The following AK5 variants were observed in gnomAD, a reference collection of about 807,000 sequenced individuals.
The protein encoded by AK5 is adenylate kinase 5.
A neutral mutation model predicts 69.5 loss-of-function variants in AK5; 27 were observed. The ratio of observed to expected loss-of-function variants is 0.39; its 90% CI spans 0.29 to 0.54. The LOEUF is 0.54. AK5 is among the 20% of genes least tolerant of loss of function. AK5 has a pLI of 0.71. For missense variants in AK5, 531 were observed against 700.4 expected (o/e 0.76, Z 2.73); for synonymous variants, 260 against 244.4 (o/e 1.06, Z -0.60).
chr1:77,393,551 A>C (rs952248525), intron 6 of AK5, among the ~76,000 whole-genome samples: 2 of 152,218 alleles, frequency 1.3e-5, no homozygotes, highest in African/African-American at 4.8e-5. Flanking sequence ...TTTTGGACTT[A>C]AAAGAATTTA....
chr1:77,426,149 T>C (rs963029630), intron 8 of AK5, among the ~76,000 whole-genome samples: 1 of 152,170 alleles, frequency 6.6e-6, no homozygotes, highest in Non-Finnish European at 1.5e-5. Flanking sequence ...TCACTTTAAA[T>C]TTCAGTGATC....
chr1:77,412,363 G>A (rs952061665), intron 7 of AK5, among the ~76,000 whole-genome samples: 2 of 152,094 alleles, frequency 1.3e-5, no homozygotes, highest in African/African-American at 4.8e-5. Context: ...CAGTTTCCAG[G>A]TGTCTACTTT....
At chr1:77,369,412 GA>G (rs1162139324) in intron 6 of AK5, among the ~76,000 whole-genome samples, 2 of 152,056 alleles carry the variant, frequency 1.3e-5, no homozygotes, top group Non-Finnish European at 1.5e-5. Flanking sequence ...TTTTTCTTAT[GA>G]AAGCAGATGC....
At chr1:77,391,983 A>G (rs1294174214) in intron 6 of AK5, among the ~76,000 whole-genome samples, 3 of 152,204 alleles carry the variant, frequency 2.0e-5, no homozygotes, top group Admixed American at 6.5e-5. Flanking sequence ...TCGTTCTACA[A>G]CAAATGGACA....
At chr1:77,397,007 C>T (rs79972366) in intron 6 of AK5, among the ~76,000 whole-genome samples, 1 of 152,212 alleles carries the variant, frequency 6.6e-6, no homozygotes, top group Non-Finnish European at 1.5e-5. Flanking sequence ...ACTACAGACA[C>T]ATGCCCAGGG....
intron 8 of AK5, among the ~76,000 whole-genome samples, chr1:77,476,848 A>G (rs1485966798): frequency 6.6e-6 from 1 of 152,012 alleles, no homozygotes. Flanking sequence ...TACTGAAATA[A>G]TAGTTCCAGT....
intron 1 of AK5, chr1:77,282,723 G>A (rs1165341152): frequency 2.2e-5 from 23 of 1,058,232 alleles, no homozygotes; most frequent in Non-Finnish European, 2.5e-5. Flanking sequence ...CAGGTCAGGT[G>A]GCTGCACTGT....
At chr1:77,306,122 A>G (rs1398549868) in intron 5 of AK5, among the ~76,000 whole-genome samples, 1 of 152,134 alleles carries the variant, frequency 6.6e-6, no homozygotes, top group African/African-American at 2.4e-5. Context: ...ACTATGTTGA[A>G]TAATGATGGT....
chr1:77,445,885 A>G (rs1036649241), intron 8 of AK5, among the ~76,000 whole-genome samples: 2 of 152,116 alleles, frequency 1.3e-5, no homozygotes, highest in African/African-American at 4.8e-5. Context: ...ACGCCTGGTC[A>G]GCCTTTCCTA....
At chr1:77,412,553 T>A (rs1650113640) in intron 7 of AK5, among the ~76,000 whole-genome samples, 1 of 152,176 alleles carries the variant, frequency 6.6e-6, no homozygotes, top group Non-Finnish European at 1.5e-5. Flanking sequence ...AAGTAAATGG[T>A]GCCTCCCCTG....
intron 6 of AK5, among the ~76,000 whole-genome samples, chr1:77,352,873 G>A (rs962439153): frequency 2.6e-5 from 4 of 152,092 alleles, no homozygotes; most frequent in East Asian, 1.9e-4. Context: ...CTTCTGATAG[G>A]TTAGTCTTAA....
At chr1:77,441,677 C>T (rs1652334151) in intron 8 of AK5, among the ~76,000 whole-genome samples, 1 of 152,130 alleles carries the variant, frequency 6.6e-6, no homozygotes, top group Non-Finnish European at 1.5e-5. Context: ...CCGGGGTCTT[C>T]CTATTCTTAT....
At chr1:77,357,991 T>TTGTGTGTGTGTG (rs1662622292) in intron 6 of AK5, among the ~76,000 whole-genome samples, 1 of 22,824 alleles carries the variant, frequency 4.4e-5, no homozygotes, top group African/African-American at 9.9e-5. Context: ...TTATGGAGAG[T>TTGTGTGTGTGTG]AGTGTGTGTG....
chr1:77,423,227 A>AAAAG (rs1196146935), intron 8 of AK5, among the ~76,000 whole-genome samples: 1 of 132,080 alleles, frequency 7.6e-6, no homozygotes, highest in African/African-American at 2.5e-5. Context: ...TCTAAAAAAA[A>AAAAG]AAATAAAAAA....
At chr1:77,487,901 G>T (rs1336329588) in intron 10 of AK5, among the ~76,000 whole-genome samples, 1 of 152,248 alleles carries the variant, frequency 6.6e-6, no homozygotes, top group Non-Finnish European at 1.5e-5. Flanking sequence ...CTTAGATGAA[G>T]AGAATAATGG....
In AK5 at chr1:77,448,833, C is replaced by T. The variant is rs530578119; in HGVS notation, c.1059+31118C>T. ...TGAGGCTCTGTGGTTCCAGTGTCTC[C>T]GAGCTTCCAGGTGCCACCATGTTCC... On this transcript the variant is annotated intron_variant, in intron 8 of 13. Coordinates refer to ENST00000354567, the MANE Select transcript of AK5 (RefSeq NM_174858.3). 2.6e-4 allele frequency among the ~76,000 whole-genome samples: 39 copies of T among 152,312 alleles called. 1 individual carries two copies. In the South Asian group the frequency reaches 4.4e-3, roughly 17 times the overall value.
chr1:77,524,385 C>A (rs1232398220), intron 12 of AK5, among the ~76,000 whole-genome samples: 2 of 152,184 alleles, frequency 1.3e-5, no homozygotes, highest in Non-Finnish European at 2.9e-5. Flanking sequence ...ATACTGCCAG[C>A]CATAGTGGCC....
intron 5 of AK5, among the ~76,000 whole-genome samples, chr1:77,320,691 G>A (rs1264111677): frequency 1.3e-5 from 2 of 152,168 alleles, no homozygotes; most frequent in African/African-American, 4.8e-5. Flanking sequence ...AGAGATTGCA[G>A]TGAGCTGAGA....
At chr1:77,293,575 T>C (rs2100653933) in intron 2 of AK5, 3 of 407,042 alleles carry the variant, frequency 7.4e-6, no homozygotes, top group East Asian at 8.3e-5. Context: ...CATACTACCA[T>C]GGCCAAGTTG....
Sources: allele counts gnomAD v4.1 joint callset (sites outside exome capture counted in the v4.1 genomes callset), GRCh38; gene constraint gnomAD v4.1.1; transcripts MANE v1.5; gene names NCBI Gene and HGNC (gene_info 2026-07-23, HGNC 2026-07-21).